Variants in PPM1E observed in about 807,000 individuals in gnomAD.
PPM1E encodes protein phosphatase 1E.
In PPM1E, 20 loss-of-function variants were observed where a neutral mutation model predicts 65.9. The ratio of observed to expected loss-of-function variants is 0.30; its 90% confidence interval spans 0.21 to 0.44. The LOEUF is 0.44. Ranked by LOEUF, PPM1E falls within the 20% of genes least tolerant of loss-of-function variation. PPM1E has a pLI of 1.00. For synonymous variants in PPM1E, 352 were observed against 374.9 expected (o/e 0.94, Z 0.70); for missense variants, 713 against 953.1 (o/e 0.75, Z 3.32).
intron 1 of PPM1E, among the ~76,000 whole-genome samples, chr17:58,810,261 G>C (rs1415839247): frequency 6.6e-6 from 1 of 151,962 alleles, no homozygotes; most frequent in East Asian, 1.9e-4. Flanking sequence ...AGGCTGGAGT[G>C]CAGTGGTGCG....
intron 1 of PPM1E, among the ~76,000 whole-genome samples, chr17:58,802,917 A>T (rs1019902886): frequency 6.6e-6 from 1 of 152,012 alleles, no homozygotes; most frequent in Admixed American, 6.6e-5. Context: ...TATTAGTTCT[A>T]ACAGTTCTTT....
At chr17:58,779,487 A>G (rs763731544) in intron 1 of PPM1E, among the ~76,000 whole-genome samples, 2 of 151,958 alleles carry the variant, frequency 1.3e-5, no homozygotes, top group Non-Finnish European at 2.9e-5. Context: ...TTCTGATATT[A>G]TCTGTTGTAT....
intron 1 of PPM1E, among the ~76,000 whole-genome samples, chr17:58,764,054 T>C (rs911523091): frequency 1.3e-5 from 2 of 152,030 alleles, no homozygotes; most frequent in Non-Finnish European, 2.9e-5. Flanking sequence ...AAACTTATTT[T>C]AACTCAATAT....
chr17:58,953,551 C>T (rs1385116116), intron 1 of PPM1E, among the ~76,000 whole-genome samples: 2 of 152,200 alleles, frequency 1.3e-5, no homozygotes, highest in Non-Finnish European at 2.9e-5. Flanking sequence ...CCAGGCCCCA[C>T]CTTGAACATC....
At chr17:58,975,208 C>G (rs1352104495) in intron 6 of PPM1E, among the ~76,000 whole-genome samples, 1 of 152,214 alleles carries the variant, frequency 6.6e-6, no homozygotes, top group Non-Finnish European at 1.5e-5. Context: ...CAACTCAAAC[C>G]AAACACCTAT....
intron 1 of PPM1E, among the ~76,000 whole-genome samples, chr17:58,763,827 A>G (rs970637031): frequency 1.3e-5 from 2 of 152,224 alleles, no homozygotes; most frequent in East Asian, 3.9e-4. Flanking sequence ...ATAGCTGAAT[A>G]TGATCTTGAT....
chr17:58,808,682 A>G (rs1449730581), intron 1 of PPM1E, among the ~76,000 whole-genome samples: 2 of 152,142 alleles, frequency 1.3e-5, no homozygotes, highest in East Asian at 1.9e-4. Context: ...TTTTATGTGT[A>G]CAGTTCAGTG....
chr17:58,965,667 T>C (rs375007135), intron 2 of PPM1E, 27 bp from the exon 3 acceptor site: 34 of 1,605,884 alleles, frequency 2.1e-5, no homozygotes, highest in African/African-American at 9.4e-5. Context: ...AGGCTCTTCA[T>C]TGGGGGTTTC....
At chr17:58,961,719 G>A (rs1165676691) in intron 2 of PPM1E, among the ~76,000 whole-genome samples, 1 of 152,122 alleles carries the variant, frequency 6.6e-6, no homozygotes, top group Non-Finnish European at 1.5e-5. Flanking sequence ...GTTGCCCTAT[G>A]TGGGAGCCAC....
At chr17:58,836,554 G>A (rs183586679) in intron 1 of PPM1E, among the ~76,000 whole-genome samples, 4 of 150,786 alleles carry the variant, frequency 2.7e-5, no homozygotes, top group Non-Finnish European at 4.4e-5. Context: ...AACCTCTGCC[G>A]CCCAGGTTCA....
At chr17:58,836,688 C>A (rs1394759076) in intron 1 of PPM1E, among the ~76,000 whole-genome samples, 1 of 150,464 alleles carries the variant, frequency 6.6e-6, no homozygotes, top group Non-Finnish European at 1.5e-5. Flanking sequence ...TGGTCTCGAG[C>A]TCCTGACCTT....
intron 1 of PPM1E, among the ~76,000 whole-genome samples, chr17:58,911,406 A>G (rs2051626146): frequency 6.6e-6 from 1 of 152,108 alleles, no homozygotes; most frequent in African/African-American, 2.4e-5. Context: ...TTTAACCACC[A>G]TTTGTGTACT....
intron 1 of PPM1E, among the ~76,000 whole-genome samples, chr17:58,860,608 C>T (rs1433749205): frequency 6.6e-6 from 1 of 152,176 alleles, no homozygotes; most frequent in Non-Finnish European, 1.5e-5. Flanking sequence ...TTTCAGTTGA[C>T]AACTTGATTT....
At chr17:58,831,229 C>T (rs1161616436) in intron 1 of PPM1E, among the ~76,000 whole-genome samples, 2 of 151,846 alleles carry the variant, frequency 1.3e-5, no homozygotes, top group Non-Finnish European at 2.9e-5. Flanking sequence ...CCAGGATGGT[C>T]TTGATTTCCT....
intron 1 of PPM1E, among the ~76,000 whole-genome samples, chr17:58,798,230 G>GT (rs980535079): frequency 0.18 from 22,820 of 129,860 alleles, 2,243 homozygotes; most frequent in Admixed American, 0.2. Flanking sequence ...TTTTTTGTTT[G>GT]TTTTTTTTTT....
intron 1 of PPM1E, among the ~76,000 whole-genome samples, chr17:58,766,510 TA>T (rs1456733789): frequency 6.6e-6 from 1 of 152,058 alleles, no homozygotes; most frequent in East Asian, 1.9e-4. Flanking sequence ...TGTAATTTCT[TA>T]GTCACATTTT....
chr17:58,806,856 C>T lies in PPM1E; in HGVS notation c.464+50395C>T, dbSNP rs545690738. Among the ~76,000 whole-genome samples the T allele has an allele frequency of 1.3e-3, 186 of 145,276 alleles. 1 individual carries two copies. Among genetic ancestry groups the T allele is most frequent in the African/African-American group, 4.3e-3 (171 of 39,560 alleles). On this transcript the variant is annotated intron_variant, in intron 1 of 6. Transcript: ENST00000308249. ...CTGGGACTACAGGTGCGTGCCACCA[C>T]GCCCTGCTGTGTTTTTTTTTTTGTA...
chr17:58,938,554 T>C (rs1426249773), intron 1 of PPM1E, among the ~76,000 whole-genome samples: 2 of 152,174 alleles, frequency 1.3e-5, no homozygotes, highest in Non-Finnish European at 2.9e-5. Context: ...TTAAAGTGAT[T>C]TCTGAGTATC....
At chr17:58,901,471 C>T (rs571426671) in intron 1 of PPM1E, among the ~76,000 whole-genome samples, 12 of 151,984 alleles carry the variant, frequency 7.9e-5, no homozygotes, top group East Asian at 3.9e-4. Context: ...GTCAGGAGTT[C>T]GAGACCAGCC....
Sources: allele counts gnomAD v4.1 joint callset (sites outside exome capture counted in the v4.1 genomes callset), GRCh38; gene constraint gnomAD v4.1.1; transcripts MANE v1.5; gene names NCBI Gene and HGNC (gene_info 2026-07-23, HGNC 2026-07-21).